Variants in TCF4 observed in about 807,000 individuals in gnomAD.
TCF4 encodes the protein SL3-3 enhancer factor 2.
A neutral mutation model predicts 82.1 loss-of-function variants in TCF4; 3 were observed. The ratio of observed to expected loss-of-function variants is 0.04; its 90% confidence interval spans 0.02 to 0.09. The LOEUF is 0.09. Among genes scored for constraint, TCF4 ranks in the 10% least tolerant of loss-of-function variants. The pLI, the probability that TCF4 is intolerant of heterozygous loss-of-function variation, is 1.00. For synonymous variants in TCF4, 276 were observed against 309.6 expected (o/e 0.89, Z 1.14); for missense variants, 518 against 852.7 (o/e 0.61, Z 4.89).
At chr18:55,344,427 G>A (rs550072119) in intron 8 of TCF4, among the ~76,000 whole-genome samples, 6 of 152,188 alleles carry the variant, frequency 3.9e-5, no homozygotes, top group Admixed American at 2.6e-4. Context: ...TTCTCTCTGG[G>A]TAAAGCAGCC....
chr18:55,251,449 A>G (rs1397672597), intron 15 of TCF4, among the ~76,000 whole-genome samples: 2 of 152,214 alleles, frequency 1.3e-5, no homozygotes, highest in Non-Finnish European at 2.9e-5. Context: ...ATGAGATAAC[A>G]TAACAGCCGA....
At position 55,587,896 on chromosome 18, in the gene TCF4, G is replaced by T. The variant is rs866779774; in HGVS notation, c.-21+142C>A. The T allele has an allele frequency of 6.2e-4, 429 of 687,166 alleles. 7 individuals carry two copies. The South Asian group carries it at 0.025, about 40-fold the overall frequency. 42.6% of individuals were successfully genotyped at this position (687,166 alleles called of 1,614,324 possible). On this transcript the variant is annotated intron_variant, in intron 1 of 19. Coordinates refer to ENST00000354452, the MANE Select transcript of TCF4 (RefSeq NM_001083962.2). ...GAGGGGGAGGGAAGCGGCGGGAGGG[G>T]AAGGGGTGTCTCTTCTGGGAGCGCC... is the stretch of plus-strand genomic sequence containing the variant.
chr18:55,258,843 TG>T (rs2057437644), intron 13 of TCF4, among the ~76,000 whole-genome samples: 2 of 152,304 alleles, frequency 1.3e-5, no homozygotes, highest in South Asian at 4.1e-4. Flanking sequence ...ACAACAATAC[TG>T]AACTCTAGTT....
chr18:55,344,421 C>T (rs1244497995), intron 8 of TCF4, among the ~76,000 whole-genome samples: 1 of 152,128 alleles, frequency 6.6e-6, no homozygotes, highest in East Asian at 1.9e-4. Context: ...TTATAATTCT[C>T]TCTGGGTAAA....
chr18:55,551,143 C>G (rs553977827), intron 3 of TCF4: 1 of 152,264 alleles, frequency 6.6e-6, no homozygotes, highest in African/African-American at 2.4e-5. Context: ...GGCATTTTCG[C>G]CATGTTATCC....
chr18:55,582,256 G>A (rs1214130211), intron 3 of TCF4, among the ~76,000 whole-genome samples: 1 of 151,924 alleles, frequency 6.6e-6, no homozygotes, highest in Non-Finnish European at 1.5e-5. Context: ...CAATCATCCA[G>A]GCATGTGGAT....
At chr18:55,300,647 G>A (rs569521145) in intron 8 of TCF4, among the ~76,000 whole-genome samples, 81 of 152,212 alleles carry the variant, frequency 5.3e-4, no homozygotes, top group African/African-American at 1.7e-3. Flanking sequence ...CAGGCCTGGC[G>A]TTGCCATCAA....
At chr18:55,407,190 G>A (rs146809716) in intron 5 of TCF4, among the ~76,000 whole-genome samples, 235 of 152,164 alleles carry the variant, frequency 1.5e-3, no homozygotes, top group Non-Finnish European at 2.7e-3. Context: ...TGCTGGTGAC[G>A]ATTTGCCGTG....
chr18:55,512,325 CA>C (rs2146311767), intron 3 of TCF4, among the ~76,000 whole-genome samples: 1 of 152,114 alleles, frequency 6.6e-6, no homozygotes, highest in East Asian at 1.9e-4. Flanking sequence ...TTAAAAATCA[CA>C]CTTTCAAAAC....
intron 3 of TCF4, among the ~76,000 whole-genome samples, chr18:55,573,452 C>T (rs1232377149): frequency 3.3e-5 from 5 of 152,208 alleles, no homozygotes; most frequent in Admixed American, 1.3e-4. Flanking sequence ...TCTGCAAAAA[C>T]TTCACAACTG....
At chr18:55,399,320 T>C (rs931519616) in intron 6 of TCF4, among the ~76,000 whole-genome samples, 11 of 152,222 alleles carry the variant, frequency 7.2e-5, no homozygotes, top group Non-Finnish European at 1.6e-4. Context: ...GTTTCCTCCC[T>C]GGTCTCCAAG....
chr18:55,317,747 A>C (rs2074500842), intron 8 of TCF4, among the ~76,000 whole-genome samples: 1 of 152,092 alleles, frequency 6.6e-6, no homozygotes, highest in East Asian at 1.9e-4. Context: ...AGAGTTTCCC[A>C]ATTGAGAGAT....
In TCF4 at chr18:55,398,109, T is replaced by A. The variant is rs369592697; in HGVS notation, c.369+5345A>T. ...GATCCCTTGGTTTTTCTCCTGAGTA[T>A]CTAACACACCACTACAGGGTCAATA... On this transcript the variant is annotated intron_variant, in intron 6 of 19. Transcript: ENST00000354452. 2.6e-5 allele frequency among the ~76,000 whole-genome samples: 4 copies of A among 152,288 alleles called. No homozygotes were observed. In the South Asian group the frequency reaches 8.3e-4, roughly 32 times the overall value.
At chr18:55,314,069 A>G (rs975737763) in intron 8 of TCF4, among the ~76,000 whole-genome samples, 1 of 152,186 alleles carries the variant, frequency 6.6e-6, no homozygotes, top group Non-Finnish European at 1.5e-5. Flanking sequence ...CAGCAGGTAG[A>G]GGGAAGCCCT....
At chr18:55,408,066 C>G (rs2094181240) in intron 5 of TCF4, among the ~76,000 whole-genome samples, 1 of 152,062 alleles carries the variant, frequency 6.6e-6, no homozygotes. Context: ...GAGATAAGCT[C>G]TAACAGAGAT....
intron 5 of TCF4, among the ~76,000 whole-genome samples, chr18:55,440,583 C>G: frequency 6.6e-6 from 1 of 152,190 alleles, no homozygotes; most frequent in Non-Finnish European, 1.5e-5. Flanking sequence ...CCAGGCTTGA[C>G]AAACCACTTT....
At chr18:55,296,291 T>C (rs2066478156) in intron 8 of TCF4, among the ~76,000 whole-genome samples, 1 of 152,210 alleles carries the variant, frequency 6.6e-6, no homozygotes, top group South Asian at 2.1e-4. Context: ...CCTGAAGCTC[T>C]GGCTATTTTT....
intron 3 of TCF4, chr18:55,482,035 G>C (rs931732531): frequency 4.6e-5 from 7 of 152,188 alleles, no homozygotes; most frequent in Non-Finnish European, 1.0e-4. Flanking sequence ...ATCAGGATTG[G>C]AGAAGGGCCT....
intron 3 of TCF4, among the ~76,000 whole-genome samples, chr18:55,584,354 C>T (rs371622021): frequency 5.5e-4 from 83 of 152,128 alleles, no homozygotes; most frequent in African/African-American, 1.9e-3. Context: ...TGTTATATAC[C>T]ATTGCCAGAA....
Sources: allele counts gnomAD v4.1 joint callset (sites outside exome capture counted in the v4.1 genomes callset), GRCh38; gene constraint gnomAD v4.1.1; transcripts MANE v1.5; gene names NCBI Gene and HGNC (gene_info 2026-07-23, HGNC 2026-07-21).